PTPRK: variants seen among roughly 807,000 people sequenced by gnomAD.
PTPRK encodes the protein protein tyrosine phosphatase receptor type K.
A neutral mutation model predicts 178.0 loss-of-function variants in PTPRK; 75 were observed. The ratio of observed to expected loss-of-function variants is 0.42; its 90% CI spans 0.35 to 0.51. The LOEUF (loss-of-function observed/expected upper bound fraction) is 0.51. PTPRK is among the 20% of genes least tolerant of loss of function. The probability of loss-of-function intolerance (pLI) is 0.02; values close to 1 mark genes in which losing one functional copy is unlikely to be tolerated. For synonymous variants in PTPRK, 637 were observed against 620.6 expected, an observed-to-expected ratio of 1.03 and a Z score of -0.39; for missense variants, 1,441 against 1,797.8, an observed-to-expected ratio of 0.80 and a Z score of 3.59.
chr6:128,219,350 G>A (rs1313447961), intron 5 of PTPRK, among the ~76,000 whole-genome samples: 1 of 152,172 alleles, frequency 6.6e-6, no homozygotes, highest in African/African-American at 2.4e-5. Context: ...ATGATTTCAG[G>A]ATGAAACTGT....
chr6:128,438,041 C>T (rs1178837657), intron 1 of PTPRK, among the ~76,000 whole-genome samples: 2 of 152,182 alleles, frequency 1.3e-5, no homozygotes, highest in Non-Finnish European at 2.9e-5. Context: ...TTTCCCATCC[C>T]GGGATACTGT....
chr6:128,501,855 G>GA (rs1401726716), intron 1 of PTPRK, among the ~76,000 whole-genome samples: 13 of 152,098 alleles, frequency 8.5e-5, no homozygotes, highest in Non-Finnish European at 1.9e-4. Flanking sequence ...GTATTAAGAT[G>GA]AAAAAACATG....
intron 1 of PTPRK, among the ~76,000 whole-genome samples, chr6:128,464,950 C>G (rs1271917286): frequency 6.6e-6 from 1 of 151,134 alleles, no homozygotes; most frequent in Non-Finnish European, 1.5e-5. Context: ...TGTTCTCTCT[C>G]CCGGGTTTGT....
intron 1 of PTPRK, among the ~76,000 whole-genome samples, chr6:128,430,862 C>G (rs1844748118): frequency 6.6e-6 from 1 of 152,012 alleles, no homozygotes; most frequent in African/African-American, 2.4e-5. Context: ...CTAGTGTCTT[C>G]CAAAAAGAAC....
chr6:128,062,481 C>A (rs1299769621), intron 13 of PTPRK: 1 of 166,874 alleles, frequency 6.0e-6, no homozygotes, highest in African/African-American at 2.4e-5. Flanking sequence ...AAAAAACAAG[C>A]GAACAAAAAA....
At chr6:128,420,836 AC>A (rs1381157407) in intron 1 of PTPRK, among the ~76,000 whole-genome samples, 1 of 152,232 alleles carries the variant, frequency 6.6e-6, no homozygotes, top group Non-Finnish European at 1.5e-5. Flanking sequence ...TTAGATTTGA[AC>A]CAAAAAACAG....
chr6:128,244,384 A>T (rs946903971), intron 3 of PTPRK, among the ~76,000 whole-genome samples: 1 of 152,190 alleles, frequency 6.6e-6, no homozygotes, highest in African/African-American at 2.4e-5. Flanking sequence ...ATGGCATAAG[A>T]AGATAAATAA....
chr6:128,435,046 CAGGAAGGAAGGAAGGAAGGA>C lies in PTPRK; in HGVS notation c.101-37378_101-37359del, dbSNP rs759976402. 9.5e-3 allele frequency among the ~76,000 whole-genome samples: 687 copies of C among 72,470 alleles called. 1 individual carries two copies. The highest frequency in any genetic ancestry group is 0.013 in the African/African-American group (188 of 14,622). The allele number at this position is 72,470 out of a possible 152,430, so 47.5% of individuals were successfully genotyped here. On this transcript the variant is annotated intron_variant, in intron 1 of 29. Coordinates refer to ENST00000368226, the MANE Select transcript of PTPRK (RefSeq NM_002844.4). Reference sequence around the variant, plus strand: ...GAAGTAAGACAGGAAGGCAGGAAGGCAGGAAGGAAGGAAGGAAGGAAGGAAGGAAGGAAGGAAGGAAGGAA... The same window carrying C: ...GAAGTAAGACAGGAAGGCAGGAAGGCAGGAAGGAAGGAAGGAAGGAAGGAA...
At chr6:128,235,807 G>A (rs1813145190) in intron 5 of PTPRK, among the ~76,000 whole-genome samples, 1 of 152,000 alleles carries the variant, frequency 6.6e-6, no homozygotes, top group South Asian at 2.1e-4. Flanking sequence ...CATATTGTCA[G>A]AAGGACAATA....
At position 128,234,445 on chromosome 6, in the gene PTPRK, A is replaced by G. The variant is rs539167749; in HGVS notation, c.693+5590T>C. Among the ~76,000 whole-genome samples the G allele has an allele frequency of 5.3e-5, 8 of 152,324 alleles. No homozygotes were observed. The East Asian group carries it at 1.5e-3, about 29-fold the overall frequency. ...CCCAGTCAATATATATGACATTAACATTACCCTAGAGAATTTCCCCCTGCC... is the reference window on the plus strand; with the variant it reads ...CCCAGTCAATATATATGACATTAACGTTACCCTAGAGAATTTCCCCCTGCC... On this transcript the variant is annotated intron_variant, in intron 5 of 29. Coordinates refer to ENST00000368226, the MANE Select transcript of PTPRK (RefSeq NM_002844.4).
At chr6:128,075,063 C>G (rs1174239089) in intron 11 of PTPRK, among the ~76,000 whole-genome samples, 2 of 151,986 alleles carry the variant, frequency 1.3e-5, no homozygotes, top group African/African-American at 2.4e-5. Flanking sequence ...ATAAAAGCTA[C>G]CATCTTCTCT....
chr6:128,303,564 T>G lies in PTPRK; in HGVS notation c.495+18475A>C, dbSNP rs1464905981. Among the ~76,000 whole-genome samples the G allele has an allele frequency of 2.6e-5, 4 of 152,218 alleles. No individual in the cohort carries two copies. The East Asian group carries it at 7.7e-4, about 29-fold the overall frequency. On this transcript the variant is annotated intron_variant, in intron 3 of 29. Coordinates refer to ENST00000368226, the MANE Select transcript of PTPRK (RefSeq NM_002844.4). The stretch of plus-strand genomic sequence containing the variant: ...AATAAAATGATTTCATATGGGTTGA[T>G]GCTGTTCAATATTAGTGCATGGTAT...
chr6:128,248,699 G>C (rs1405565149), intron 3 of PTPRK, among the ~76,000 whole-genome samples: 1 of 152,050 alleles, frequency 6.6e-6, no homozygotes, highest in African/African-American at 2.4e-5. Context: ...AACTATATTG[G>C]ACAATGAAGA....
rs181420314 is a variant in PTPRK, at chr6:128,261,293, T to C, written c.496-18691A>G. Among the ~76,000 whole-genome samples the C allele has an allele frequency of 2.2e-4, 33 of 152,312 alleles. No homozygotes were observed. The East Asian group carries it at 2.7e-3, about 12-fold the overall frequency. ...ACTTATACAGATTTTTCAATAGTTATATGGATTTAAAATTTGAGAATAATG... is the reference window on the plus strand; with the variant it reads ...ACTTATACAGATTTTTCAATAGTTACATGGATTTAAAATTTGAGAATAATG... On this transcript the variant is annotated intron_variant, in intron 3 of 29. Coordinates refer to ENST00000368226, the MANE Select transcript of PTPRK (RefSeq NM_002844.4).
intron 2 of PTPRK, among the ~76,000 whole-genome samples, chr6:128,389,403 G>GT (rs1244704895): frequency 4.2e-3 from 184 of 43,980 alleles, no homozygotes; most frequent in South Asian, 0.027. Context: ...GTTTTTTTTT[G>GT]TTTTTTTTTG....
intron 1 of PTPRK, among the ~76,000 whole-genome samples, chr6:128,449,149 C>T (rs572132829): frequency 6.6e-5 from 10 of 152,216 alleles, no homozygotes; most frequent in Admixed American, 2.6e-4. Flanking sequence ...CATGAGCCAC[C>T]GTGCCTGGCC....
intron 6 of PTPRK, among the ~76,000 whole-genome samples, chr6:128,203,818 G>T (rs1806409978): frequency 6.6e-6 from 1 of 152,086 alleles, no homozygotes; most frequent in Admixed American, 6.5e-5. Context: ...TGGACAGGAA[G>T]AATCAATGTC....
chr6:128,433,261 G>A lies in PTPRK; in HGVS notation c.101-35573C>T, dbSNP rs113195619. 7.6e-3 allele frequency among the ~76,000 whole-genome samples: 1,159 copies of A among 151,740 alleles called. 15 individuals are homozygous for A. The highest frequency in any genetic ancestry group is 0.026 in the African/African-American group (1,071 of 41,372). ...CATCAACCAACCCCTCTTCATCCCCGCTTTCCACCCCGCAACCCACACACA... is the reference window on the plus strand; with the variant it reads ...CATCAACCAACCCCTCTTCATCCCCACTTTCCACCCCGCAACCCACACACA... On this transcript the variant is annotated intron_variant, in intron 1 of 29. Transcript: ENST00000368226.
chr6:128,173,125 C>T (rs1800549232), intron 7 of PTPRK, among the ~76,000 whole-genome samples: 1 of 151,986 alleles, frequency 6.6e-6, no homozygotes, highest in South Asian at 2.1e-4. Flanking sequence ...TGATTCTGCC[C>T]TTAGCATAAT....
Sources: gnomAD v4.1 joint callset for allele counts (sites outside exome capture counted in the v4.1 genomes callset) on GRCh38, gnomAD v4.1.1 for gene constraint, MANE v1.5 for transcripts, NCBI Gene and HGNC (gene_info 2026-07-23, HGNC 2026-07-21) for gene names.